GDA: variants seen among roughly 807,000 people sequenced by gnomAD.
GDA encodes the protein guanine deaminase.
A neutral mutation model predicts 59.6 loss-of-function variants in GDA; 18 were observed. The observed-to-expected ratio is 0.30, with a 90% CI of 0.21 to 0.45. The LOEUF (loss-of-function observed/expected upper bound fraction) is 0.45. Among genes scored for constraint, GDA ranks in the 20% least tolerant of loss-of-function variants. The probability of loss-of-function intolerance (pLI) is 1.00; values close to 1 mark genes in which losing one functional copy is unlikely to be tolerated. For synonymous variants in GDA, 201 were observed against 201.1 expected (o/e 1.00, Z 0.00); for missense variants, 427 against 552.3 (o/e 0.77, Z 2.27).
chr9:72,249,461 C>A lies in GDA; in HGVS notation c.*1119C>A. 1 of 778,284 alleles carries A rather than the reference C, an allele frequency of 1.3e-6. No individual in the cohort carries two copies. Among genetic ancestry groups the A allele is most frequent in the Non-Finnish European group, 1.6e-6 (1 of 641,126 alleles). The allele number at this position is 778,284 out of a possible 1,614,324, so 48.2% of individuals were successfully genotyped here. The stretch of plus-strand genomic sequence containing the variant: ...TAATTTTATCCAGTTTTCTGTTTAA[C>A]TCCTTATAATGTTTAGGATATTAAA... On this transcript the variant is annotated 3_prime_UTR_variant, in exon 14 of 14. Transcript: ENST00000358399.
At chr9:72,183,729 A>C (rs567491799) in intron 1 of GDA, among the ~76,000 whole-genome samples, 55 of 152,298 alleles carry the variant, frequency 3.6e-4, no homozygotes, top group African/African-American at 1.3e-3. Context: ...GTGAGGTTTA[A>C]ACAAGTTAAC....
At chr9:72,201,193 A>ATTT (rs34021514) in intron 2 of GDA, among the ~76,000 whole-genome samples, 13 of 148,750 alleles carry the variant, frequency 8.7e-5, no homozygotes, top group South Asian at 4.3e-4. Context: ...GTCACACAGA[A>ATTT]TTTTTTTTTT....
intron 3 of GDA, among the ~76,000 whole-genome samples, chr9:72,204,459 C>T (rs911019335): frequency 3.3e-5 from 5 of 152,056 alleles, no homozygotes; most frequent in Admixed American, 2.0e-4. Context: ...TGTGGGGGTC[C>T]ATGCATTTGT....
At chr9:72,173,181 C>G (rs913301417) in intron 1 of GDA, among the ~76,000 whole-genome samples, 6 of 152,170 alleles carry the variant, frequency 3.9e-5, no homozygotes, top group African/African-American at 1.4e-4. Flanking sequence ...AGGGGAATCT[C>G]TAGATTCTCC....
chr9:72,186,214 AT>A (rs905370666), intron 1 of GDA, among the ~76,000 whole-genome samples: 3 of 152,024 alleles, frequency 2.0e-5, no homozygotes, highest in Non-Finnish European at 4.4e-5. Context: ...TGCTTTCCAA[AT>A]TTTTTTTAGA....
intron 1 of GDA, among the ~76,000 whole-genome samples, chr9:72,151,597 T>C (rs1827202464): frequency 6.6e-6 from 1 of 152,070 alleles, no homozygotes; most frequent in African/African-American, 2.4e-5. Flanking sequence ...GTAATTTTTT[T>C]TTTGGTTTTT....
chr9:72,143,066 G>A (rs769160328), intron 1 of GDA, among the ~76,000 whole-genome samples: 1 of 151,192 alleles, frequency 6.6e-6, no homozygotes, highest in Non-Finnish European at 1.5e-5. Flanking sequence ...ACTGTACCTG[G>A]CTAGAATACC....
rs377081891 is a variant in GDA, at chr9:72,153,445, A to C, written c.123+3763A>C. ...GGCGATTCCTCAGGGATCTAGAACT[A>C]GAAATACCATTTGACCCAGCCATCC... On this transcript the variant is annotated intron_variant, in intron 1 of 13. Coordinates refer to ENST00000358399, the MANE Select transcript of GDA (RefSeq NM_004293.5). Among the ~76,000 whole-genome samples, 5 of 151,594 alleles carry C rather than the reference A, an allele frequency of 3.3e-5. No homozygotes were observed. In the South Asian group the frequency reaches 8.4e-4, roughly 25 times the overall value.
chr9:72,256,569 T>A (rs542870914), downstream of GDA, among the ~76,000 whole-genome samples: 2 of 152,298 alleles, frequency 1.3e-5, no homozygotes, highest in South Asian at 4.1e-4. Flanking sequence ...AGGAATTTAT[T>A]TTCCATGTGA....
chr9:72,116,198 C>T (rs62561325), intron 1 of GDA, among the ~76,000 whole-genome samples: 23,824 of 151,334 alleles, frequency 0.16, 2,479 homozygotes, highest in East Asian at 0.51. Flanking sequence ...CATGCCATTG[C>T]ACTCCAGCCT....
upstream of GDA, among the ~76,000 whole-genome samples, chr9:72,148,935 A>G (rs372366745): frequency 3.3e-5 from 5 of 152,364 alleles, no homozygotes; most frequent in African/African-American, 1.2e-4. Flanking sequence ...CATTAGCCTC[A>G]AGGTGAAGAG....
At chr9:72,209,393 A>G (rs1835094906) in intron 3 of GDA, among the ~76,000 whole-genome samples, 2 of 151,660 alleles carry the variant, frequency 1.3e-5, no homozygotes, top group Admixed American at 6.6e-5. Context: ...TTATCCTACA[A>G]CCCTCCTACT....
At chr9:72,154,141 A>C (rs897300041) in intron 1 of GDA, among the ~76,000 whole-genome samples, 1 of 152,144 alleles carries the variant, frequency 6.6e-6, no homozygotes, top group African/African-American at 2.4e-5. Context: ...CCCAGAAACA[A>C]GAGTGAGGAA....
At chr9:72,151,955 A>G (rs1207971788) in intron 1 of GDA, among the ~76,000 whole-genome samples, 2 of 152,130 alleles carry the variant, frequency 1.3e-5, no homozygotes, top group Non-Finnish European at 1.5e-5. Flanking sequence ...CCTTGCAATG[A>G]ATCAGAAATA....
chr9:72,228,353 G>A (rs79910742), intron 9 of GDA: 1 of 292,196 alleles, frequency 3.4e-6, no homozygotes, highest in Non-Finnish European at 6.6e-6. Flanking sequence ...TGTCAGCCAG[G>A]AAATCCAGAA....
At chr9:72,207,759 T>C (rs1008674003) in intron 3 of GDA, among the ~76,000 whole-genome samples, 26 of 152,240 alleles carry the variant, frequency 1.7e-4, no homozygotes, top group Non-Finnish European at 4.4e-5. Context: ...GGTTTCCAAA[T>C]TCTTTTGACT....
chr9:72,174,744 TTATATA>T (rs146059487), intron 1 of GDA, among the ~76,000 whole-genome samples: 76 of 149,552 alleles, frequency 5.1e-4, no homozygotes, highest in African/African-American at 1.8e-3. Context: ...ACTGTTGAGG[TTATATA>T]TATATATATA....
intron 3 of GDA, among the ~76,000 whole-genome samples, chr9:72,204,185 T>C (rs549133122): frequency 9.9e-5 from 15 of 152,248 alleles, no homozygotes; most frequent in African/African-American, 3.6e-4. Flanking sequence ...ATCTTACATA[T>C]TTAGCATGCA....
At chr9:72,122,063 T>G (rs1825681217) in intron 1 of GDA, among the ~76,000 whole-genome samples, 1 of 152,206 alleles carries the variant, frequency 6.6e-6, no homozygotes. Flanking sequence ...AGATCTCCTC[T>G]TCTGATTACA....
Sources: gnomAD v4.1 joint callset for allele counts (sites outside exome capture counted in the v4.1 genomes callset) on GRCh38, gnomAD v4.1.1 for gene constraint, MANE v1.5 for transcripts, NCBI Gene and HGNC (gene_info 2026-07-23, HGNC 2026-07-21) for gene names.